The following PCBP3 variants were observed in gnomAD, a reference collection of about 807,000 sequenced individuals.
The protein encoded by PCBP3 is poly(rC)-binding protein 3.
A neutral mutation model predicts 52.7 loss-of-function variants in PCBP3; 25 were observed. The ratio of observed to expected loss-of-function variants is 0.47; its 90% CI spans 0.35 to 0.66. PCBP3 has a LOEUF of 0.66. PCBP3 is among the 30% of genes least tolerant of loss of function. The pLI is 0.01. For missense variants in PCBP3, 391 were observed against 490.3 expected, an observed-to-expected ratio of 0.80 and a Z score of 1.91; for synonymous variants, 162 against 183.0, an observed-to-expected ratio of 0.89 and a Z score of 0.93.
chr21:45,695,300 C>T (rs1266907691), intron 2 of PCBP3, among the ~76,000 whole-genome samples: 2 of 152,154 alleles, frequency 1.3e-5, no homozygotes, highest in South Asian at 2.1e-4. Flanking sequence ...TGGAGGGACA[C>T]GGGTAGAGGA....
chr21:45,650,163 C>CA (rs79080643), intron 1 of PCBP3, among the ~76,000 whole-genome samples: 282 of 133,948 alleles, frequency 2.1e-3, no homozygotes, highest in Middle Eastern at 0.015. Flanking sequence ...CCCATTTTTA[C>CA]AAAAAAAAAA....
Position 45,850,058 on chromosome 21 carries a change from G to C in PCBP3, c.-28G>C, listed in dbSNP as rs1035552909. 6 of 1,545,914 alleles carry C rather than the reference G, an allele frequency of 3.9e-6. No individual in the cohort carries two copies. The East Asian group carries it at 1.5e-4, about 38-fold the overall frequency. On this transcript the variant is annotated 5_prime_UTR_variant, in exon 5 of 18. Transcript: ENST00000681687. ...TACGTCTGAACCTTTGCTGTCTATG[G>C]ATCTGCTCTAAACCTTATAGCCTGC...
At chr21:45,911,341 C>G (rs1248222362) in intron 11 of PCBP3, 1 of 361,066 alleles carries the variant, frequency 2.8e-6, no homozygotes, top group Admixed American at 4.0e-5. Context: ...GTCTTCTGCA[C>G]TGAGTTGGAG....
At chr21:45,694,276 A>T (rs1481955922) in intron 2 of PCBP3, among the ~76,000 whole-genome samples, 1 of 152,180 alleles carries the variant, frequency 6.6e-6, no homozygotes, top group Non-Finnish European at 1.5e-5. Context: ...AAACACTCCA[A>T]TTAAAATTCT....
intron 2 of PCBP3, 46 bp downstream of exon 2, chr21:45,668,998 G>A (rs1339292069): frequency 6.6e-6 from 1 of 152,132 alleles, no homozygotes; most frequent in African/African-American, 2.4e-5. Context: ...TTAGGTTTCT[G>A]TGGTTTCACT....
intron 4 of PCBP3, among the ~76,000 whole-genome samples, chr21:45,779,033 G>T (rs2090453295): frequency 6.6e-6 from 1 of 152,234 alleles, no homozygotes; most frequent in South Asian, 2.1e-4. Context: ...GCCTCACTTG[G>T]TTCTTATCCT....
chr21:45,874,785 C>T (rs543068037), intron 5 of PCBP3, among the ~76,000 whole-genome samples: 73 of 152,228 alleles, frequency 4.8e-4, no homozygotes, highest in African/African-American at 1.3e-3. Context: ...GGATGTGGAG[C>T]GCCCTCACCC....
chr21:45,772,302 G>A (rs909209256), intron 4 of PCBP3, among the ~76,000 whole-genome samples: 7 of 152,156 alleles, frequency 4.6e-5, no homozygotes, highest in Admixed American at 2.0e-4. Context: ...ACATATAGGT[G>A]AGAACATAAG....
chr21:45,704,883 TGGC>T lies in PCBP3; in HGVS notation c.-199-30508_-199-30506del, dbSNP rs1270911477. Among the ~76,000 whole-genome samples the T allele has an allele frequency of 1.3e-5, 2 of 152,232 alleles. No homozygotes were observed. The highest frequency in any genetic ancestry group is 2.9e-5 in the Non-Finnish European group (2 of 68,026). ...GCGCTGCTGTCTGCTGAATACATGA[TGGC>T]AGTTGATTCTGGAGATAACCAAATA... On this transcript the variant is annotated intron_variant, in intron 2 of 17. Transcript: ENST00000681687. The surrounding 1 kb of genome is among the most constrained non-coding windows in gnomAD (Gnocchi z 4.1).
intron 9 of PCBP3, 61 bp from the exon 10 acceptor site, chr21:45,909,294 C>T: frequency 6.4e-7 from 1 of 1,556,168 alleles, no homozygotes; most frequent in Non-Finnish European, 8.7e-7. Context: ...CACCCCCTGC[C>T]CTCCTGCTTT....
At chr21:45,908,444 T>C (rs1161523293) in intron 9 of PCBP3, among the ~76,000 whole-genome samples, 3 of 152,230 alleles carry the variant, frequency 2.0e-5, no homozygotes, top group African/African-American at 7.2e-5. Context: ...TGCTAGTCTA[T>C]AGCAGTTTGT....
At chr21:45,873,996 C>T (rs1603461059) in intron 5 of PCBP3, among the ~76,000 whole-genome samples, 2 of 152,230 alleles carry the variant, frequency 1.3e-5, no homozygotes, top group Admixed American at 1.3e-4. Flanking sequence ...GTGATCCACC[C>T]GCCTCAGCCT....
chr21:45,815,103 G>GGTGA (rs1569260269), intron 4 of PCBP3, among the ~76,000 whole-genome samples: 2 of 646 alleles, frequency 3.1e-3, no homozygotes, highest in Admixed American at 0.023. Context: ...ATGAGTGAGT[G>GGTGA]GTGAGTGGTG....
chr21:45,808,315 C>T (rs575969073), intron 4 of PCBP3, among the ~76,000 whole-genome samples: 21 of 152,160 alleles, frequency 1.4e-4, no homozygotes, highest in South Asian at 4.1e-4. Context: ...GGTTAATATC[C>T]AGAATCTACA....
chr21:45,917,733 A>G lies in PCBP3; in HGVS notation c.717+104A>G. 1.1e-6 allele frequency: 1 copy of G among 939,936 alleles called. No individual in the cohort carries two copies. Among genetic ancestry groups the G allele is most frequent in the South Asian group, 1.3e-5 (1 of 77,430 alleles). The allele number at this position is 939,936 out of a possible 1,614,324, so 58.2% of individuals were successfully genotyped here. A position where few individuals can be genotyped will look rare whatever the true frequency, so the allele number is the denominator to read the frequency against. On this transcript the variant is annotated intron_variant, in intron 13 of 17. Coordinates refer to ENST00000681687, the MANE Select transcript of PCBP3 (RefSeq NM_001384156.1). The surrounding 1 kb of genome is among the most constrained non-coding windows in gnomAD (Gnocchi z 5.3). ...ACTAACATTAATATTACACAATAAT[A>G]TTAATCAACTTCTCAGCGTTCCTGA...
chr21:45,884,073 A>G (rs1216409156), intron 5 of PCBP3, among the ~76,000 whole-genome samples: 4 of 152,082 alleles, frequency 2.6e-5, no homozygotes, highest in African/African-American at 9.7e-5. Flanking sequence ...AGCTGGGACC[A>G]CAGGCATGCA....
rs7364077 is a variant in PCBP3, at chr21:45,737,622, A to G, written c.-162+2193A>G. Among the ~76,000 whole-genome samples, 692 of 152,342 alleles carry G rather than the reference A, an allele frequency of 4.5e-3. 4 individuals carry two copies. Among genetic ancestry groups the G allele is most frequent in the African/African-American group, 0.016 (651 of 41,590 alleles). On this transcript the variant is annotated intron_variant, in intron 3 of 17. Coordinates refer to ENST00000681687, the MANE Select transcript of PCBP3 (RefSeq NM_001384156.1). The surrounding 1 kb of genome is among the most constrained non-coding windows in gnomAD (Gnocchi z 4.9). The stretch of plus-strand genomic sequence containing the variant: ...GGCTGAGAGGCAGAGCAAGCAGTGC[A>G]GGTGGACCCATCGCCTGCCAGCATG...
intron 4 of PCBP3, among the ~76,000 whole-genome samples, chr21:45,789,591 T>C (rs1603427748): frequency 6.6e-6 from 1 of 152,108 alleles, no homozygotes; most frequent in Non-Finnish European, 1.5e-5. Context: ...GCACGAAGGC[T>C]TTAAGGTGGA....
intron 13 of PCBP3, among the ~76,000 whole-genome samples, chr21:45,923,555 C>T (rs553662037): frequency 1.7e-3 from 260 of 152,274 alleles, no homozygotes; most frequent in South Asian, 2.5e-3. Flanking sequence ...GACTTTGCAT[C>T]TTTACAGGAC....
Sources: allele counts gnomAD v4.1 joint callset (sites outside exome capture counted in the v4.1 genomes callset), GRCh38; gene constraint gnomAD v4.1.1; non-coding constraint Gnocchi (gnomAD v3.1); transcripts MANE v1.5; gene names NCBI Gene and HGNC (gene_info 2026-07-23, HGNC 2026-07-21).